Variants in EVI5 observed in about 807,000 individuals in gnomAD.
EVI5 encodes ecotropic viral integration site 5 protein homolog.
EVI5 carries 73 observed loss-of-function variants against 112.0 expected under a neutral mutation model. That is an observed-to-expected ratio of 0.65 (90% CI 0.54 to 0.79). The LOEUF is 0.79. Among genes scored for constraint, EVI5 ranks in the 30% least tolerant of loss-of-function variants. The probability of loss-of-function intolerance (pLI) is 0.00; values close to 1 mark genes in which losing one functional copy is unlikely to be tolerated. For synonymous variants in EVI5, 305 were observed against 319.9 expected, an observed-to-expected ratio of 0.95 and a Z score of 0.50; for missense variants, 900 against 968.8, an observed-to-expected ratio of 0.93 and a Z score of 0.94.
intron 1 of EVI5, among the ~76,000 whole-genome samples, chr1:92,782,014 A>G (rs1001285827): frequency 5.4e-5 from 8 of 149,138 alleles, no homozygotes; most frequent in Non-Finnish European, 1.2e-4. Flanking sequence ...TAATCCCAGC[A>G]CTTTAGGAGG....
At chr1:92,668,012 G>A (rs1665226670) in intron 10 of EVI5, among the ~76,000 whole-genome samples, 1 of 152,128 alleles carries the variant, frequency 6.6e-6, no homozygotes, top group South Asian at 2.1e-4. Flanking sequence ...GCTAAAAAAT[G>A]TCTGTCTCAG....
chr1:92,689,618 T>G (rs1395561651), intron 9 of EVI5, among the ~76,000 whole-genome samples: 1 of 152,142 alleles, frequency 6.6e-6, no homozygotes, highest in South Asian at 2.1e-4. Flanking sequence ...TCTGCCTGCC[T>G]CAGCCTCCTG....
chr1:92,691,152 T>C (rs2102445283), intron 9 of EVI5, among the ~76,000 whole-genome samples: 1 of 152,260 alleles, frequency 6.6e-6, no homozygotes, highest in Admixed American at 6.5e-5. Context: ...ATGAAATCAA[T>C]GGCAAAGACA....
At chr1:92,713,357 G>A (rs1026231534) in intron 2 of EVI5, among the ~76,000 whole-genome samples, 1 of 150,528 alleles carries the variant, frequency 6.6e-6, no homozygotes, top group Admixed American at 6.7e-5. Flanking sequence ...AGACAATATG[G>A]TCGACCATAC....
intron 1 of EVI5, among the ~76,000 whole-genome samples, chr1:92,771,987 T>C (rs1683477657): frequency 6.6e-6 from 1 of 152,008 alleles, no homozygotes; most frequent in African/African-American, 2.4e-5. Flanking sequence ...CCTGAGTAAC[T>C]GGGATTACAG....
intron 1 of EVI5, among the ~76,000 whole-genome samples, chr1:92,753,803 C>G (rs1190556553): frequency 6.6e-6 from 1 of 152,142 alleles, no homozygotes; most frequent in Admixed American, 6.5e-5. Context: ...AATACTGTCT[C>G]TCCATAATCT....
At chr1:92,583,733 CT>C (rs75392768) in intron 18 of EVI5, among the ~76,000 whole-genome samples, 2,303 of 138,012 alleles carry the variant, frequency 0.017, 18 homozygotes, top group Admixed American at 0.022. Context: ...CTCTCTCTCT[CT>C]TTTTTTTTTT....
chr1:92,591,879 C>T (rs374862940), intron 18 of EVI5, among the ~76,000 whole-genome samples: 24 of 152,302 alleles, frequency 1.6e-4, no homozygotes, highest in South Asian at 1.0e-3. Flanking sequence ...CCTCAGCAAA[C>T]GTAAAACAAC....
At chr1:92,595,746 C>T (rs1309977151) in intron 18 of EVI5, among the ~76,000 whole-genome samples, 1 of 152,210 alleles carries the variant, frequency 6.6e-6, no homozygotes, top group East Asian at 1.9e-4. Flanking sequence ...GGCAACAATT[C>T]GAGCAGGAAG....
At chr1:92,774,162 A>G (rs1392512328) in intron 1 of EVI5, 1 of 152,244 alleles carries the variant, frequency 6.6e-6, no homozygotes, top group African/African-American at 2.4e-5. Context: ...AAGACATTAC[A>G]TTATTCATGA....
chr1:92,681,159 T>C lies in EVI5; in HGVS notation c.1098-3941A>G, dbSNP rs140165582. Among the ~76,000 whole-genome samples, 409 of 152,300 alleles carry C rather than the reference T, an allele frequency of 2.7e-3. 3 individuals are homozygous for C. Among genetic ancestry groups the C allele is most frequent in the African/African-American group, 9.3e-3 (387 of 41,576 alleles). ...AAAGTAATGCAAAAACTGCAATTAC[T>C]TTTGCACCAACCTAATATAATTTCC... On this transcript the variant is annotated intron_variant, in intron 9 of 19. Coordinates refer to ENST00000684568, the MANE Select transcript of EVI5 (RefSeq NM_001350197.2).
intron 18 of EVI5, among the ~76,000 whole-genome samples, chr1:92,586,050 TA>T (rs1215894654): frequency 6.6e-6 from 1 of 152,198 alleles, no homozygotes; most frequent in Non-Finnish European, 1.5e-5. Flanking sequence ...TTTCTCATGG[TA>T]AGACTAGGGT....
intron 2 of EVI5, among the ~76,000 whole-genome samples, chr1:92,718,797 G>A (rs1674225812): frequency 6.6e-6 from 1 of 151,916 alleles, no homozygotes; most frequent in African/African-American, 2.4e-5. Context: ...TAGACCTCAA[G>A]CAAGATTAAT....
chr1:92,534,757 T>C (rs1247290299), intron 19 of EVI5, among the ~76,000 whole-genome samples: 2 of 152,164 alleles, frequency 1.3e-5, no homozygotes, highest in African/African-American at 2.4e-5. Flanking sequence ...CCTTACACTT[T>C]ATACAAAAAT....
chr1:92,723,442 T>C (rs755722003), intron 2 of EVI5, among the ~76,000 whole-genome samples: 1 of 152,204 alleles, frequency 6.6e-6, no homozygotes, highest in Non-Finnish European at 1.5e-5. Context: ...AATTAATACT[T>C]TGATAATTTC....
chr1:92,549,293 A>G (rs1162835111), intron 19 of EVI5, among the ~76,000 whole-genome samples: 2 of 152,194 alleles, frequency 1.3e-5, no homozygotes, highest in African/African-American at 4.8e-5. Flanking sequence ...CTGGCTAGCC[A>G]TATGTAGAAA....
rs377404208 is a variant in EVI5, at chr1:92,728,797, C to T, written c.149+7601G>A. ...AAATTGTGTACCATTCTGAGCAGCA[C>T]GATGAAATCTCATGCCATGCTACTC... On this transcript the variant is annotated intron_variant, in intron 2 of 19. Transcript: ENST00000684568. 5.7e-4 allele frequency among the ~76,000 whole-genome samples: 87 copies of T among 152,272 alleles called. 1 individual carries two copies. In the South Asian group the frequency reaches 0.018, roughly 31 times the overall value.
At chr1:92,642,890 T>G (rs1332298568) in intron 13 of EVI5, among the ~76,000 whole-genome samples, 1 of 152,232 alleles carries the variant, frequency 6.6e-6, no homozygotes, top group Non-Finnish European at 1.5e-5. Flanking sequence ...AATTCCTCCT[T>G]ATTTATGATG....
intron 13 of EVI5, among the ~76,000 whole-genome samples, chr1:92,652,050 G>T (rs1168138110): frequency 6.6e-6 from 1 of 152,132 alleles, no homozygotes; most frequent in East Asian, 1.9e-4. Flanking sequence ...ATAGGGCAAT[G>T]TTCATAGCAA....
Sources: allele counts gnomAD v4.1 joint callset (sites outside exome capture counted in the v4.1 genomes callset), GRCh38; gene constraint gnomAD v4.1.1; transcripts MANE v1.5; gene names NCBI Gene and HGNC (gene_info 2026-07-23, HGNC 2026-07-21).